The following TOP1 variants were observed in gnomAD, a reference collection of about 807,000 sequenced individuals.
The protein encoded by TOP1 is DNA topoisomerase I.
In TOP1, 10 loss-of-function variants were observed where a neutral mutation model predicts 111.1. The ratio of observed to expected loss-of-function variants is 0.09; its 90% CI spans 0.06 to 0.15. TOP1 has a LOEUF of 0.15. Ranked by LOEUF, TOP1 falls within the 10% of genes least tolerant of loss-of-function variation. The probability of loss-of-function intolerance (pLI) is 1.00; values close to 1 mark genes in which losing one functional copy is unlikely to be tolerated. For missense variants in TOP1, 474 were observed against 926.7 expected (o/e 0.51, Z 6.34); for synonymous variants, 271 against 302.9 (o/e 0.89, Z 1.10).
rs1198678555 is a variant in TOP1, at chr20:41,078,335, A to G, written c.335+698A>G. 6.6e-6 allele frequency among the ~76,000 whole-genome samples: 1 copy of G among 152,328 alleles called. No individual in the cohort carries two copies. The highest frequency in any genetic ancestry group is 1.5e-5 in the Non-Finnish European group (1 of 68,028). ...GAAACAACTAGATGTTTATTGTTAC[A>G]TATTCTCACTTCACTGAATGACAGA... On this transcript the variant is annotated intron_variant, in intron 5 of 20. Coordinates refer to ENST00000361337, the MANE Select transcript of TOP1 (RefSeq NM_003286.4). This position sits in a 1 kb window ranked among gnomAD's most constrained non-coding sequence, Gnocchi z 5.3.
At chr20:41,042,736 C>G (rs2033283236) in intron 2 of TOP1, among the ~76,000 whole-genome samples, 1 of 152,158 alleles carries the variant, frequency 6.6e-6, no homozygotes, top group African/African-American at 2.4e-5. Flanking sequence ...GAAAACTTAA[C>G]TAATAGCCTA....
In TOP1 at chr20:41,102,408, G is replaced by C. The variant is rs775078591; in HGVS notation, c.1308+1055G>C. 4.6e-5 allele frequency among the ~76,000 whole-genome samples: 7 copies of C among 152,150 alleles called. No homozygotes were observed. Among genetic ancestry groups the C allele is most frequent in the Admixed American group, 2.6e-4 (4 of 15,274 alleles). On this transcript the variant is annotated intron_variant, in intron 13 of 20. Transcript: ENST00000361337. The surrounding 1 kb of genome is among the most constrained non-coding windows in gnomAD (Gnocchi z 4.0). ...GCGGATCACCTGAGGTCAGGAGTTCGAGACCAGCCTGGACAACATGGCGAA... is the reference window on the plus strand; with the variant it reads ...GCGGATCACCTGAGGTCAGGAGTTCCAGACCAGCCTGGACAACATGGCGAA...
chr20:41,029,067 C>T lies in TOP1; in HGVS notation c.-1C>T. The T allele has an allele frequency of 1.3e-6, 2 of 1,546,368 alleles. No homozygotes were observed. Among genetic ancestry groups the T allele is most frequent in the Non-Finnish European group, 1.7e-6 (2 of 1,149,930 alleles). ...CGCCGCGCTCGTCCCTCCGGGCCGA[C>T]ATGAGTGGGGACCACCTCCACAACG... On this transcript the variant is annotated 5_prime_UTR_variant, in exon 1 of 21. Coordinates refer to ENST00000361337, the MANE Select transcript of TOP1 (RefSeq NM_003286.4). This position sits in a 1 kb window ranked among gnomAD's most constrained non-coding sequence, Gnocchi z 6.1.
chr20:41,113,868 C>A, intron 14 of TOP1, 102 bp from the exon 15 acceptor site: 1 of 969,734 alleles, frequency 1.0e-6, no homozygotes, highest in Non-Finnish European at 1.5e-6. Context: ...GGCGACAGAG[C>A]GAGACTGTCT....
chr20:41,095,038 T>C lies in TOP1; in HGVS notation c.731-2182T>C, dbSNP rs2033965241. Among the ~76,000 whole-genome samples, 1 of 152,120 alleles carries C rather than the reference T, an allele frequency of 6.6e-6. No homozygotes were observed. The highest frequency in any genetic ancestry group is 6.5e-5 in the Admixed American group (1 of 15,268). On this transcript the variant is annotated intron_variant, in intron 9 of 20. Transcript: ENST00000361337. This position sits in a 1 kb window ranked among gnomAD's most constrained non-coding sequence, Gnocchi z 4.6. ...CAGTAAAACAGCCCAAAATCTCATT[T>C]TTTTTAAATTTATTTTTATATTTAT...
intron 2 of TOP1, among the ~76,000 whole-genome samples, chr20:41,054,954 A>G (rs559963015): frequency 4.6e-5 from 7 of 152,332 alleles, no homozygotes; most frequent in African/African-American, 1.4e-4. Context: ...TTTACTTAAA[A>G]GCTTTTTAAA....
At chr20:41,070,424 A>G (rs1182687146) in intron 3 of TOP1, among the ~76,000 whole-genome samples, 1 of 152,218 alleles carries the variant, frequency 6.6e-6, no homozygotes, top group Non-Finnish European at 1.5e-5. Context: ...AGAGATATAT[A>G]ATCGGCATTG....
In TOP1 at chr20:41,097,068, GT is replaced by G. The variant is rs1227217743; in HGVS notation, c.731-150del. On this transcript the variant is annotated intron_variant, in intron 9 of 20. Transcript: ENST00000361337. The surrounding 1 kb of genome is among the most constrained non-coding windows in gnomAD (Gnocchi z 4.2). ...TGTACAAGTAGATATAAATCAGTAT[GT>G]TGTCTTTGTTGTTGTTGCTACTATG... 2 of 711,672 alleles carry G rather than the reference GT, an allele frequency of 2.8e-6. No individual in the cohort carries two copies. Among genetic ancestry groups the G allele is most frequent in the East Asian group, 2.7e-5 (1 of 36,504 alleles). 44.1% of individuals were successfully genotyped at this position (711,672 alleles called of 1,614,324 possible).
intron 2 of TOP1, among the ~76,000 whole-genome samples, chr20:41,048,218 G>A (rs1600558267): frequency 1.3e-5 from 2 of 152,060 alleles, no homozygotes; most frequent in East Asian, 3.9e-4. Flanking sequence ...TTTGTAGGTG[G>A]CTCGTATTTG....
rs1349125118 is a variant in TOP1 at position 41,032,489 on chromosome 20, G to A, written c.58+3034G>A. On this transcript the variant is annotated intron_variant, in intron 2 of 20. Coordinates refer to ENST00000361337, the MANE Select transcript of TOP1 (RefSeq NM_003286.4). The surrounding 1 kb of genome is among the most constrained non-coding windows in gnomAD (Gnocchi z 4.3). ...ATTATTACAGTACTGTACAGGCTGC[G>A]TAGCTATCTGTAGAATTGATAATGG... Among the ~76,000 whole-genome samples the A allele has an allele frequency of 6.6e-6, 1 of 152,214 alleles. No homozygotes were observed. The highest frequency in any genetic ancestry group is 1.9e-4 in the East Asian group (1 of 5,206).
In TOP1 at chr20:41,033,816, C is replaced by T. The variant is rs555822635; in HGVS notation, c.58+4361C>T. On this transcript the variant is annotated intron_variant, in intron 2 of 20. Coordinates refer to ENST00000361337, the MANE Select transcript of TOP1 (RefSeq NM_003286.4). ...AACTGATATTCTTCAAATCCAAAGT[C>T]GTTTCCTCAGAAGTGTGTTTTGTGA... Among the ~76,000 whole-genome samples the T allele has an allele frequency of 7.9e-5, 12 of 152,264 alleles. No individual in the cohort carries two copies. In the East Asian group the frequency reaches 2.3e-3, roughly 29 times the overall value.
At chr20:41,060,577 G>A (rs1175715788) in intron 2 of TOP1, among the ~76,000 whole-genome samples, 1 of 152,144 alleles carries the variant, frequency 6.6e-6, no homozygotes, top group African/African-American at 2.4e-5. Context: ...AATCTTTATT[G>A]TAGTGGGGAT....
rs1484101311 is a variant in TOP1, at chr20:41,122,513, C to T, written c.2195+358C>T. Among the ~76,000 whole-genome samples, 1 of 152,190 alleles carries T rather than the reference C, an allele frequency of 6.6e-6. No homozygotes were observed. Among genetic ancestry groups the T allele is most frequent in the Non-Finnish European group, 1.5e-5 (1 of 68,028 alleles). On this transcript the variant is annotated intron_variant, in intron 20 of 20. Coordinates refer to ENST00000361337, the MANE Select transcript of TOP1 (RefSeq NM_003286.4). This position sits in a 1 kb window ranked among gnomAD's most constrained non-coding sequence, Gnocchi z 5.4. ...ATCTCTACACTTCAACAAAACTTTT[C>T]GTTGAATTTTTTTGCAGTTGAAGGT...
At chr20:41,057,344 T>C (rs1008930002) in intron 2 of TOP1, among the ~76,000 whole-genome samples, 3 of 151,468 alleles carry the variant, frequency 2.0e-5, no homozygotes, top group African/African-American at 7.3e-5. Flanking sequence ...ATCACACCAC[T>C]GCACTCCAGC....
rs1476127216 is a variant in TOP1 at position 41,032,430 on chromosome 20, G to T, written c.58+2975G>T. ...AAGTCTAAGTGAAAAGACTTCCTAAGTATTGGTAGAACTAACTGTAGTGGG... is the reference window on the plus strand; with the variant it reads ...AAGTCTAAGTGAAAAGACTTCCTAATTATTGGTAGAACTAACTGTAGTGGG... On this transcript the variant is annotated intron_variant, in intron 2 of 20. Coordinates refer to ENST00000361337, the MANE Select transcript of TOP1 (RefSeq NM_003286.4). The surrounding 1 kb of genome is among the most constrained non-coding windows in gnomAD (Gnocchi z 4.3). 6.6e-6 allele frequency among the ~76,000 whole-genome samples: 1 copy of T among 152,196 alleles called. No individual in the cohort carries two copies. Among genetic ancestry groups the T allele is most frequent in the Non-Finnish European group, 1.5e-5 (1 of 68,034 alleles).
In TOP1 at chr20:41,114,107, C is replaced by T. The variant is rs371902940; in HGVS notation, c.1590C>T (p.Leu530=). 3.5e-5 allele frequency: 57 copies of T among 1,614,128 alleles called. 1 individual carries two copies. Among genetic ancestry groups the T allele is most frequent in the South Asian group, 1.9e-4 (17 of 91,076 alleles). The change falls in exon 15 of 21, where the codon CTC becomes CTT. Residue 530 remains leucine, a synonymous_variant. Transcript: ENST00000361337. The surrounding 1 kb of genome is among the most constrained non-coding windows in gnomAD (Gnocchi z 4.5). The part of the protein sequence containing the change: ...GQEYVVEFDF[L]GKDSIRYYNK... ...AATATGTGGTAGAGTTTGACTTCCTCGGGAAGGACTCCATCAGATACTATA... is the reference window on the plus strand; with the variant it reads ...AATATGTGGTAGAGTTTGACTTCCTTGGGAAGGACTCCATCAGATACTATA...
chr20:41,032,053 A>T lies in TOP1; in HGVS notation c.58+2598A>T, dbSNP rs987297961. 2.0e-5 allele frequency among the ~76,000 whole-genome samples: 3 copies of T among 152,178 alleles called. No homozygotes were observed. Among genetic ancestry groups the T allele is most frequent in the South Asian group, 2.1e-4 (1 of 4,828 alleles). ...TTTATGTAACTATGAAAAAAACTTT[A>T]AAAAAAGTAGAAATCAATGTTTAAT... On this transcript the variant is annotated intron_variant, in intron 2 of 20. Transcript: ENST00000361337. This position sits in a 1 kb window ranked among gnomAD's most constrained non-coding sequence, Gnocchi z 4.3.
At chr20:41,055,283 C>T (rs954092646) in intron 2 of TOP1, among the ~76,000 whole-genome samples, 1 of 152,206 alleles carries the variant, frequency 6.6e-6, no homozygotes, top group Admixed American at 6.5e-5. Context: ...CAACACATTT[C>T]TTTTTGCACT....
intron 3 of TOP1, among the ~76,000 whole-genome samples, chr20:41,066,393 G>GGAA (rs2033607255): frequency 6.6e-6 from 1 of 151,894 alleles, no homozygotes. Context: ...GCTTCACAGG[G>GGAA]GAACCATGGG....
Sources: gnomAD v4.1 joint callset for allele counts (sites outside exome capture counted in the v4.1 genomes callset) on GRCh38, gnomAD v4.1.1 for gene constraint, Gnocchi (gnomAD v3.1) non-coding constraint, MANE v1.5 for transcripts, NCBI Gene and HGNC (gene_info 2026-07-23, HGNC 2026-07-21) for gene names.